CCDC198: variants seen among roughly 807,000 people sequenced by gnomAD.
The protein encoded by CCDC198 is coiled-coil domain containing 198.
In CCDC198, 18 loss-of-function variants were observed where a neutral mutation model predicts 35.6. The ratio of observed to expected loss-of-function variants is 0.51; its 90% CI spans 0.35 to 0.75. CCDC198 has a LOEUF of 0.75. CCDC198 is among the 30% of genes least tolerant of loss of function. The probability of loss-of-function intolerance (pLI) is 0.01; values close to 1 mark genes in which losing one functional copy is unlikely to be tolerated. For synonymous variants in CCDC198, 119 were observed against 113.4 expected (o/e 1.05, Z -0.31); for missense variants, 365 against 343.7 (o/e 1.06, Z -0.49).
rs748261627 is a variant in CCDC198 at position 57,471,419 on chromosome 14, C to A, written c.827G>T (p.Arg276Leu). 6.2e-7 allele frequency: 1 copy of A among 1,613,864 alleles called. No individual in the cohort carries two copies. The highest frequency in any genetic ancestry group is 1.7e-5 in the Admixed American group (1 of 60,006). ...DEQGKDEKKP[R>L]ALVRTRTERI... ...CTCTGTCCTGGTCCTCACCAGTGCT[C>A]GTGGCTTCTTCTCATCTTTCCCCTG... Residue 276 changes from arginine to leucine, a missense_variant, in exon 6 of 6, where the codon CGA becomes CTA. Arg to Leu is a moderately radical substitution (Grantham distance 102). Transcript: ENST00000216445.
At position 57,491,022 on chromosome 14, in the gene CCDC198, AC is replaced by A. The variant is rs1205239963; in HGVS notation, c.272del (p.Ser91IlefsTer22). 3.7e-6 allele frequency: 6 copies of A among 1,609,284 alleles called. No homozygotes were observed. In the South Asian group the frequency reaches 6.6e-5, roughly 18 times the overall value. On this transcript the variant is annotated frameshift_variant, in exon 2 of 6. Coordinates refer to ENST00000216445, the MANE Select transcript of CCDC198 (RefSeq NM_018168.4). LOFTEE classifies it high-confidence loss of function. ...FDIPLEHRETSIIKRHPPQRL... is the reference protein window; with the variant it reads ...FDIPLEHRETXIIKRHPPQRL... ...TTTGGGGTGGATGCCTTTTAATAAT[AC>A]TTGTTTCTCTGTGTTCCAGTGGGAT...
chr14:57,483,170 G>A lies in CCDC198; in HGVS notation c.307-19C>T, dbSNP rs1185055640. ...CAAGCTTCTAGAAGTTCAACGTTTA[G>A]AGCAGTCAGCATTCCTCATGCCATG... On this transcript the variant is annotated intron_variant, in intron 2 of 5. Coordinates refer to ENST00000216445, the MANE Select transcript of CCDC198 (RefSeq NM_018168.4). 2.5e-6 allele frequency: 4 copies of A among 1,613,942 alleles called. No homozygotes were observed. The highest frequency in any genetic ancestry group is 3.4e-6 in the Non-Finnish European group (4 of 1,179,918).
intron 5 of CCDC198, among the ~76,000 whole-genome samples, chr14:57,479,604 C>A (rs781089308): frequency 2.0e-5 from 3 of 152,094 alleles, no homozygotes; most frequent in Non-Finnish European, 2.9e-5. Flanking sequence ...CCATTTTTGC[C>A]TTTTGTAATA....
chr14:57,474,344 T>C (rs1363668996), intron 5 of CCDC198, among the ~76,000 whole-genome samples: 1 of 152,214 alleles, frequency 6.6e-6, no homozygotes, highest in African/African-American at 2.4e-5. Flanking sequence ...CTCTGCAAAT[T>C]AGTCAAGAAC....
intron 2 of CCDC198, among the ~76,000 whole-genome samples, chr14:57,486,243 C>T (rs1476210583): frequency 1.3e-5 from 2 of 152,194 alleles, no homozygotes. Context: ...GCCATTACTG[C>T]ACGCCATGCC....
At position 57,471,540 on chromosome 14, in the gene CCDC198, A is replaced by G. The variant is rs375624300; in HGVS notation, c.706T>C (p.Cys236Arg). 1.2e-6 allele frequency: 2 copies of G among 1,613,406 alleles called. No homozygotes were observed. The highest frequency in any genetic ancestry group is 2.7e-5 in the African/African-American group (2 of 74,870). ...FLKHQAVNNY[C>R]PWKIGKMETW... is the part of the protein sequence containing the mutation. ...TCCATTTTGCCAATTTTCCAGGGAC[A>G]GTAGTTATTCACTGCTTGATGTTTC... Residue 236 changes from cysteine (C) to arginine (R), a missense_variant, in exon 6 of 6, where the codon TGT (cysteine) becomes CGT (arginine). Physicochemically the swap from Cys to Arg is radical, Grantham distance 180. Coordinates refer to ENST00000216445, the MANE Select transcript of CCDC198 (RefSeq NM_018168.4).
chr14:57,491,143 T>C, intron 1 of CCDC198, 72 bp from the exon 2 acceptor site: 1 of 1,464,562 alleles, frequency 6.8e-7, no homozygotes. Context: ...CAATCATTAG[T>C]TACTAGACTT....
In CCDC198 at chr14:57,493,720, T is replaced by C. The variant is rs1435703545; in HGVS notation, c.-5A>G. ...CTTAGAGTGACTCAGGCCCATTTCA[T>C]GTGAAAGACATTCAGAGGAAAGCTG... On this transcript the variant is annotated 5_prime_UTR_variant, in exon 1 of 6. The change abolishes an upstream ATG in the 5' untranslated region. Coordinates refer to ENST00000216445, the MANE Select transcript of CCDC198 (RefSeq NM_018168.4). The C allele has an allele frequency of 6.2e-7, 1 of 1,609,814 alleles. No homozygotes were observed.
chr14:57,472,661 T>C (rs1401364719), intron 5 of CCDC198, among the ~76,000 whole-genome samples: 2 of 152,228 alleles, frequency 1.3e-5, no homozygotes, highest in African/African-American at 4.8e-5. Context: ...TCTGGCATTC[T>C]ATTTTACTTT....
chr14:57,477,864 A>G (rs1418406289), intron 5 of CCDC198, among the ~76,000 whole-genome samples: 1 of 152,010 alleles, frequency 6.6e-6, no homozygotes, highest in Non-Finnish European at 1.5e-5. Flanking sequence ...TGCCCGACTA[A>G]TTTTTGTATT....
Position 57,471,417 on chromosome 14 carries a change from C to G in CCDC198, c.829G>C (p.Ala277Pro). The G allele has an allele frequency of 6.2e-7, 1 of 1,614,014 alleles. No homozygotes were observed. The highest frequency in any genetic ancestry group is 8.5e-7 in the Non-Finnish European group (1 of 1,179,972). ...EQGKDEKKPR[A>P]LVRTRTERIP... ...CTCTCTGTCCTGGTCCTCACCAGTG[C>G]TCGTGGCTTCTTCTCATCTTTCCCC... The change falls in exon 6 of 6, where the codon GCA (alanine) becomes CCA (proline). Residue 277 changes from alanine to proline, a missense_variant. Transcript: ENST00000216445.
chr14:57,493,479 G>T lies in CCDC198; in HGVS notation c.223+14C>A. The T allele has an allele frequency of 6.3e-7, 1 of 1,599,820 alleles. No individual in the cohort carries two copies. Among genetic ancestry groups the T allele is most frequent in the Non-Finnish European group, 8.6e-7 (1 of 1,167,340 alleles). On this transcript the variant is annotated intron_variant, in intron 1 of 5. Coordinates refer to ENST00000216445, the MANE Select transcript of CCDC198 (RefSeq NM_018168.4). ...GTCCAGATACACACATCTCATGCTG[G>T]GTTTTATGTTTACCTGTAGAATATC... is the stretch of plus-strand genomic sequence containing the variant.
rs890856682 is a variant in CCDC198, at chr14:57,474,645, C to T, written c.656-3055G>A. Among the ~76,000 whole-genome samples the T allele has an allele frequency of 8.5e-5, 13 of 152,146 alleles. 1 individual carries two copies. Among genetic ancestry groups the T allele is most frequent in the Admixed American group, 8.5e-4 (13 of 15,284 alleles). On this transcript the variant is annotated intron_variant, in intron 5 of 5. Coordinates refer to ENST00000216445, the MANE Select transcript of CCDC198 (RefSeq NM_018168.4). The stretch of plus-strand genomic sequence containing the variant: ...GCATTAAAATTTGAGAGCTTCTGAG[C>T]TAGGTTTCTTATTACTTGTTACATT...
In CCDC198 at chr14:57,471,433, A is replaced by G; in HGVS notation, c.813T>C (p.Asp271=). The part of the protein sequence containing the change: ...SSSDSDEQGK[D]EKKPRALVRT... The stretch of plus-strand genomic sequence containing the variant: ...TCACCAGTGCTCGTGGCTTCTTCTC[A>G]TCTTTCCCCTGCTCATCTGAGTCAG... The change falls in exon 6 of 6, where the codon GAT becomes GAC. Residue 271 remains aspartate, a synonymous_variant. Coordinates refer to ENST00000216445, the MANE Select transcript of CCDC198 (RefSeq NM_018168.4). 1 of 1,613,948 alleles carries G rather than the reference A, an allele frequency of 6.2e-7. No homozygotes were observed. Among genetic ancestry groups the G allele is most frequent in the Non-Finnish European group, 8.5e-7 (1 of 1,179,966 alleles).
chr14:57,480,291 A>C (rs896329931), intron 5 of CCDC198: 2 of 985,330 alleles, frequency 2.0e-6, no homozygotes, highest in African/African-American at 3.5e-5. Flanking sequence ...CTCTAACCAC[A>C]AGATGAGGCT....
rs1048856641 is a variant in CCDC198, at chr14:57,470,531, T to G, written c.*824A>C. The G allele has an allele frequency of 2.6e-5, 4 of 152,228 alleles. No homozygotes were observed. The highest frequency in any genetic ancestry group is 4.4e-5 in the Non-Finnish European group (3 of 68,052). The allele number at this position is 152,228 out of a possible 1,614,324, so 9.4% of individuals were successfully genotyped here. A position where few individuals can be genotyped will look rare whatever the true frequency, so the allele number is the denominator to read the frequency against. Reference sequence around the variant, plus strand: ...TTTTTGTATTTTAGTAGAGACGGTGTCTCACCATGTTGGCCAGGCTGGTCT... The same window carrying G: ...TTTTTGTATTTTAGTAGAGACGGTGGCTCACCATGTTGGCCAGGCTGGTCT... On this transcript the variant is annotated 3_prime_UTR_variant, in exon 6 of 6. Transcript: ENST00000216445.
rs1047284580 is a variant in CCDC198 at position 57,483,063 on chromosome 14, A to G, written c.393+2T>C. 3 of 1,613,682 alleles carry G rather than the reference A, an allele frequency of 1.9e-6. No individual in the cohort carries two copies. Among genetic ancestry groups the G allele is most frequent in the Admixed American group, 1.7e-5 (1 of 59,954 alleles). On this transcript the variant is annotated splice_donor_variant, in intron 3 of 5. Transcript: ENST00000216445. LOFTEE classifies it high-confidence loss of function. ...CCCTGTCAGGTTACTGCTGCAGCTC[A>G]CCTTTGCTTTGTGCATTGTCCTGGC...
intron 3 of CCDC198, 57 bp downstream of exon 3, chr14:57,483,008 A>C: frequency 6.2e-7 from 1 of 1,612,132 alleles, no homozygotes; most frequent in Non-Finnish European, 8.5e-7. Flanking sequence ...CCAGTGCCCC[A>C]ATCCTGTGTC....
chr14:57,476,060 C>G (rs2066987400), intron 5 of CCDC198, among the ~76,000 whole-genome samples: 1 of 152,008 alleles, frequency 6.6e-6, no homozygotes, highest in East Asian at 1.9e-4. Context: ...TCCTCAGCCT[C>G]CCAAAGTGCT....
Sources: gnomAD v4.1 joint callset for allele counts (sites outside exome capture counted in the v4.1 genomes callset) on GRCh38, gnomAD v4.1.1 for gene constraint, MANE v1.5 for transcripts, NCBI Gene and HGNC (gene_info 2026-07-23, HGNC 2026-07-21) for gene names.